KPNA6: variants seen among roughly 807,000 people sequenced by gnomAD.
KPNA6 encodes the protein importin subunit alpha-7.
KPNA6 carries 9 observed loss-of-function variants against 72.0 expected under a neutral mutation model. The observed-to-expected ratio is 0.13, with a 90% confidence interval of 0.08 to 0.22. The LOEUF is 0.22. Ranked by LOEUF, KPNA6 falls within the 10% of genes least tolerant of loss-of-function variation. KPNA6 has a pLI of 1.00. For synonymous variants in KPNA6, 219 were observed against 242.1 expected, an observed-to-expected ratio of 0.90 and a Z score of 0.89; for missense variants, 374 against 655.7, an observed-to-expected ratio of 0.57 and a Z score of 4.69.
chr1:32,165,307 C>G (rs561885494), intron 10 of KPNA6, among the ~76,000 whole-genome samples: 1 of 152,190 alleles, frequency 6.6e-6, no homozygotes, highest in Admixed American at 6.5e-5. Context: ...GCCTCAGCCT[C>G]CTGAGTAGCT....
intron 1 of KPNA6, among the ~76,000 whole-genome samples, chr1:32,147,444 G>A (rs948954934): frequency 2.2e-4 from 34 of 151,860 alleles, no homozygotes; most frequent in Middle Eastern, 3.4e-3. Flanking sequence ...ATAGGTGCAC[G>A]CCACCATGCC....
chr1:32,167,647 A>G (rs1422081576), intron 12 of KPNA6, among the ~76,000 whole-genome samples: 1 of 152,072 alleles, frequency 6.6e-6, no homozygotes, highest in African/African-American at 2.4e-5. Context: ...GAACCGTACT[A>G]TGGGTTACTC....
Position 32,162,284 on chromosome 1 carries a change from G to T in KPNA6, c.748-77G>T, listed in dbSNP as rs531397470. On this transcript the variant is annotated intron_variant, in intron 8 of 13. Coordinates refer to ENST00000373625, the MANE Select transcript of KPNA6 (RefSeq NM_012316.5). ...GTGTGTGTGTATTGTGGGGGCGGTGGTTGCAATGTTAGGGTTCGTGATAGA... is the reference window on the plus strand; with the variant it reads ...GTGTGTGTGTATTGTGGGGGCGGTGTTTGCAATGTTAGGGTTCGTGATAGA... 1.8e-5 allele frequency: 24 copies of T among 1,350,710 alleles called. No individual in the cohort carries two copies. The African/African-American group carries it at 2.8e-4, about 16-fold the overall frequency. 83.7% of individuals were successfully genotyped at this position (1,350,710 alleles called of 1,614,324 possible).
rs145615300 is a variant in KPNA6 at position 32,130,785 on chromosome 1, G to C, written c.4+22651G>C. The stretch of plus-strand genomic sequence containing the variant: ...CTCAAAGAAAAAAAAAAAGTCACAG[G>C]CATCTCAAAGAAGTTCATTAAGAAA... On this transcript the variant is annotated intron_variant, in intron 1 of 13. Coordinates refer to ENST00000373625, the MANE Select transcript of KPNA6 (RefSeq NM_012316.5). Among the ~76,000 whole-genome samples the C allele has an allele frequency of 6.7e-3, 1,018 of 151,718 alleles. 12 individuals are homozygous for C. Among genetic ancestry groups the C allele is most frequent in the African/African-American group, 0.024 (982 of 41,370 alleles).
chr1:32,119,061 T>C (rs1641386964), intron 1 of KPNA6, among the ~76,000 whole-genome samples: 1 of 128,120 alleles, frequency 7.8e-6, no homozygotes, highest in Admixed American at 8.8e-5. Context: ...AGAGAGAGTC[T>C]CACTTTGTCA....
chr1:32,156,242 C>T (rs1399587644), intron 2 of KPNA6, among the ~76,000 whole-genome samples: 3 of 152,050 alleles, frequency 2.0e-5, no homozygotes, highest in African/African-American at 7.2e-5. Context: ...GTCTCCTCTT[C>T]TCTTTGTGGA....
intron 1 of KPNA6, among the ~76,000 whole-genome samples, chr1:32,133,574 C>A (rs933503777): frequency 4.6e-5 from 7 of 151,608 alleles, no homozygotes; most frequent in African/African-American, 1.5e-4. Flanking sequence ...GCCTGTGGTC[C>A]CAGCTGTGTG....
chr1:32,110,056 A>ATTTTTTTTTTT (rs750004100), intron 1 of KPNA6, among the ~76,000 whole-genome samples: 2 of 118,308 alleles, frequency 1.7e-5, no homozygotes, highest in African/African-American at 6.5e-5. Context: ...CTGGAATTGA[A>ATTTTTTTTTTT]TTTTTTTTTT....
At position 32,154,577 on chromosome 1, in the gene KPNA6, T is replaced by C; in HGVS notation, c.5-11T>C. 6.2e-7 allele frequency: 1 copy of C among 1,611,602 alleles called. No individual in the cohort carries two copies. The highest frequency in any genetic ancestry group is 8.5e-7 in the Non-Finnish European group (1 of 1,178,844). The stretch of plus-strand genomic sequence containing the variant: ...TCAAGAGTTTTTGGCAGTGTGTATC[T>C]TTTCTTCTAGAGACCATGGCGAGCC... On this transcript the variant is annotated splice_polypyrimidine_tract_variant and intron_variant, in intron 1 of 13. Coordinates refer to ENST00000373625, the MANE Select transcript of KPNA6 (RefSeq NM_012316.5).
chr1:32,142,847 C>A, intron 1 of KPNA6: 1 of 808,212 alleles, frequency 1.2e-6, no homozygotes, highest in South Asian at 1.8e-5. Context: ...TCCAATCTAA[C>A]CTCCCTTGTC....
intron 1 of KPNA6, among the ~76,000 whole-genome samples, chr1:32,118,296 T>C (rs1307912686): frequency 6.6e-6 from 1 of 152,078 alleles, no homozygotes; most frequent in Non-Finnish European, 1.5e-5. Context: ...CTTTATGCCT[T>C]CCAGTTTGGA....
At chr1:32,166,358 G>A (rs1192028691) in intron 11 of KPNA6, 128 bp downstream of exon 11, 6 of 1,124,528 alleles carry the variant, frequency 5.3e-6, no homozygotes, top group Non-Finnish European at 7.5e-6. Flanking sequence ...CAGGCACGGT[G>A]GCTCACGCCT....
At position 32,158,368 on chromosome 1, in the gene KPNA6, C is replaced by A; in HGVS notation, c.426+7C>A. On this transcript the variant is annotated splice_region_variant and intron_variant, in intron 5 of 13. Coordinates refer to ENST00000373625, the MANE Select transcript of KPNA6 (RefSeq NM_012316.5). Reference sequence around the variant, plus strand: ...TGAGAATTGTACATTACAGGTGAGGCCTGAAGGGAAGGGGTTTGTTTTGTC... The same window carrying A: ...TGAGAATTGTACATTACAGGTGAGGACTGAAGGGAAGGGGTTTGTTTTGTC... 6.3e-7 allele frequency: 1 copy of A among 1,577,946 alleles called. No individual in the cohort carries two copies. The highest frequency in any genetic ancestry group is 8.7e-7 in the Non-Finnish European group (1 of 1,148,514).
chr1:32,141,642 C>G (rs1389027115), intron 1 of KPNA6, among the ~76,000 whole-genome samples: 1 of 151,908 alleles, frequency 6.6e-6, no homozygotes. Flanking sequence ...GATGATCCAC[C>G]CGCCTCAGCC....
rs1272452248 is a variant in KPNA6 at position 32,162,594 on chromosome 1, T to C, written c.911+70T>C. The C allele has an allele frequency of 3.0e-5, 46 of 1,555,684 alleles. No homozygotes were observed. The Admixed American group carries it at 4.7e-4, about 16-fold the overall frequency. ...GCTTATGCTTATAATCCCAGCACTT[T>C]GGGATGCCAAGGTGGGCGGATCACA... On this transcript the variant is annotated intron_variant, in intron 9 of 13. Transcript: ENST00000373625.
intron 1 of KPNA6, among the ~76,000 whole-genome samples, chr1:32,153,418 T>C (rs1276301028): frequency 6.6e-6 from 1 of 151,308 alleles, no homozygotes; most frequent in Non-Finnish European, 1.5e-5. Flanking sequence ...ATACAAAAAT[T>C]AGCCGTATTA....
intron 1 of KPNA6, 108 bp downstream of exon 1, chr1:32,108,242 A>G: frequency 3.4e-6 from 5 of 1,491,478 alleles, no homozygotes; most frequent in Non-Finnish European, 3.7e-6. Context: ...CATCCCCTCT[A>G]GCTAGGTCTG....
intron 1 of KPNA6, among the ~76,000 whole-genome samples, chr1:32,121,652 A>G (rs1477297459): frequency 6.6e-6 from 1 of 152,178 alleles, no homozygotes; most frequent in Non-Finnish European, 1.5e-5. Flanking sequence ...ATTAAAAGAA[A>G]ACAAGGAGTG....
At chr1:32,169,749 C>G (rs188999677) in intron 12 of KPNA6, 133 bp from the exon 13 acceptor site, 3 of 745,538 alleles carry the variant, frequency 4.0e-6, no homozygotes, top group Non-Finnish European at 6.2e-6. Flanking sequence ...TGTGAACCAC[C>G]GCGCTCGGCC....
Sources: gnomAD v4.1 joint callset for allele counts (sites outside exome capture counted in the v4.1 genomes callset) on GRCh38, gnomAD v4.1.1 for gene constraint, MANE v1.5 for transcripts, NCBI Gene and HGNC (gene_info 2026-07-23, HGNC 2026-07-21) for gene names.